Variants in CNTNAP2 observed in about 807,000 individuals in gnomAD.
CNTNAP2 encodes the protein contactin-associated protein-like 2.
CNTNAP2 carries 98 observed loss-of-function variants against 155.2 expected under a neutral mutation model. That is an observed-to-expected ratio of 0.63 (90% CI 0.54 to 0.75). CNTNAP2 has a LOEUF of 0.75. Ranked by LOEUF, CNTNAP2 falls within the 30% of genes least tolerant of loss-of-function variation. The probability of loss-of-function intolerance (pLI) is 0.00; values close to 1 mark genes in which losing one functional copy is unlikely to be tolerated. For missense variants in CNTNAP2, 1,727 were observed against 1,688.1 expected, an observed-to-expected ratio of 1.02 and a Z score of -0.40; for synonymous variants, 651 against 631.2, an observed-to-expected ratio of 1.03 and a Z score of -0.47.
intron 1 of CNTNAP2, among the ~76,000 whole-genome samples, chr7:146,351,584 C>T (rs563377115): frequency 1.3e-5 from 2 of 152,288 alleles, no homozygotes; most frequent in African/African-American, 2.4e-5. Flanking sequence ...CATTAAACCC[C>T]TCAACTAAAC....
At chr7:147,486,706 T>C (rs562009740) in intron 11 of CNTNAP2, among the ~76,000 whole-genome samples, 1 of 152,296 alleles carries the variant, frequency 6.6e-6, no homozygotes, top group Non-Finnish European at 1.5e-5. Flanking sequence ...AAATAAAAAA[T>C]AAATTTCTGT....
intron 12 of CNTNAP2, among the ~76,000 whole-genome samples, chr7:147,630,062 A>G (rs1015051349): frequency 6.6e-6 from 1 of 151,362 alleles, no homozygotes; most frequent in Non-Finnish European, 1.5e-5. Context: ...AACATAATTG[A>G]TAGACCATTA....
At chr7:146,832,213 T>G (rs1450309188) in intron 2 of CNTNAP2, among the ~76,000 whole-genome samples, 1 of 152,206 alleles carries the variant, frequency 6.6e-6, no homozygotes, top group Non-Finnish European at 1.5e-5. Context: ...TTGTATCAAT[T>G]AGATAATTCT....
chr7:147,335,409 CTT>C (rs769444210), intron 9 of CNTNAP2, among the ~76,000 whole-genome samples: 4 of 152,194 alleles, frequency 2.6e-5, no homozygotes, highest in South Asian at 2.1e-4. Flanking sequence ...ACATAATTAA[CTT>C]ATTTCATTTT....
At position 147,737,528 on chromosome 7, in the gene CNTNAP2, C is replaced by T. The variant is rs545103357; in HGVS notation, c.2098+98222C>T. ...GATCTCAAGCTCCGTGCTGGGAGAA[C>T]CACTACTCTTCCAAGCTGTCAGACA... On this transcript the variant is annotated intron_variant, in intron 13 of 23. Coordinates refer to ENST00000361727, the MANE Select transcript of CNTNAP2 (RefSeq NM_014141.6). 2.6e-3 allele frequency among the ~76,000 whole-genome samples: 348 copies of T among 133,504 alleles called. 4 individuals carry two copies. The highest frequency in any genetic ancestry group is 1.5e-3 in the Non-Finnish European group (88 of 59,410). 87.6% of individuals were successfully genotyped at this position (133,504 alleles called of 152,430 possible).
At chr7:146,753,912 T>C (rs1801948205) in intron 1 of CNTNAP2, among the ~76,000 whole-genome samples, 1 of 152,020 alleles carries the variant, frequency 6.6e-6, no homozygotes, top group Non-Finnish European at 1.5e-5. Context: ...ATTCAACCTA[T>C]ACGAAAATAG....
In CNTNAP2 at chr7:146,946,093, CCTTTCCTT is replaced by C. The variant is rs1019454898; in HGVS notation, c.403-97804_403-97797del. The stretch of plus-strand genomic sequence containing the variant: ...CCTTCCCTTCCTTCCTTCCTTCCTT[CCTTTCCTT>C]CTTTCCTTCCTTCCTTCCTTCTTTC... On this transcript the variant is annotated intron_variant, in intron 3 of 23. Coordinates refer to ENST00000361727, the MANE Select transcript of CNTNAP2 (RefSeq NM_014141.6). 1.1e-4 allele frequency among the ~76,000 whole-genome samples: 16 copies of C among 150,218 alleles called. No individual in the cohort carries two copies. The East Asian group carries it at 2.9e-3, about 27-fold the overall frequency.
chr7:147,101,054 C>T (rs1800642403), intron 4 of CNTNAP2, among the ~76,000 whole-genome samples: 1 of 152,248 alleles, frequency 6.6e-6, no homozygotes, highest in African/African-American at 2.4e-5. Context: ...AATGGCTGCT[C>T]ACTGAAGAAA....
chr7:146,778,530 C>A (rs1354013984), intron 2 of CNTNAP2, among the ~76,000 whole-genome samples: 1 of 152,056 alleles, frequency 6.6e-6, no homozygotes, highest in Non-Finnish European at 1.5e-5. Context: ...TGATTTATCC[C>A]CACATTTTTA....
intron 21 of CNTNAP2, among the ~76,000 whole-genome samples, chr7:148,334,130 G>A (rs545593381): frequency 6.6e-6 from 1 of 152,194 alleles, no homozygotes; most frequent in Non-Finnish European, 1.5e-5. Flanking sequence ...CTAATGAATG[G>A]CAGCAGCATG....
chr7:146,850,766 G>A (rs534864330), intron 3 of CNTNAP2, among the ~76,000 whole-genome samples: 14 of 151,658 alleles, frequency 9.2e-5, no homozygotes, highest in South Asian at 2.1e-4. Flanking sequence ...GAACATACCC[G>A]CAAAATAAAA....
chr7:146,377,590 C>A (rs1795321531), intron 1 of CNTNAP2, among the ~76,000 whole-genome samples: 1 of 151,990 alleles, frequency 6.6e-6, no homozygotes, highest in African/African-American at 2.4e-5. Flanking sequence ...AACTCTAGAC[C>A]CCTCCCAGTC....
intron 9 of CNTNAP2, among the ~76,000 whole-genome samples, chr7:147,340,911 C>A (rs1795750028): frequency 6.6e-6 from 1 of 152,050 alleles, no homozygotes; most frequent in African/African-American, 2.4e-5. Context: ...CAATGCCTCA[C>A]TTCCTATGAC....
At chr7:146,617,421 ATTT>A (rs1489932920) in intron 1 of CNTNAP2, among the ~76,000 whole-genome samples, 1 of 152,220 alleles carries the variant, frequency 6.6e-6, no homozygotes, top group East Asian at 1.9e-4. Flanking sequence ...TATTTGAAAC[ATTT>A]TAAGAAATGC....
chr7:148,380,224 A>G (rs1476509658), intron 21 of CNTNAP2, among the ~76,000 whole-genome samples: 1 of 152,256 alleles, frequency 6.6e-6, no homozygotes, highest in African/African-American at 2.4e-5. Context: ...ACAGTAAATG[A>G]TATTTTAATA....
At chr7:147,322,145 G>C (rs1001530171) in intron 9 of CNTNAP2, among the ~76,000 whole-genome samples, 3 of 152,048 alleles carry the variant, frequency 2.0e-5, no homozygotes, top group African/African-American at 7.2e-5. Flanking sequence ...AAAAGATATG[G>C]GGTGATTCTC....
intron 3 of CNTNAP2, among the ~76,000 whole-genome samples, chr7:146,934,446 TGGGGGGA>T (rs1796865558): frequency 2.5e-5 from 1 of 39,732 alleles, no homozygotes; most frequent in South Asian, 1.0e-3. Context: ...TGTTGTGGGG[TGGGGGGA>T]GGGGGAAGGG....
chr7:147,713,008 C>T (rs551401148), intron 13 of CNTNAP2, among the ~76,000 whole-genome samples: 1 of 152,260 alleles, frequency 6.6e-6, no homozygotes, highest in African/African-American at 2.4e-5. Flanking sequence ...CTTTAAATTT[C>T]ATTTATAACG....
intron 14 of CNTNAP2, among the ~76,000 whole-genome samples, chr7:147,941,414 T>C (rs1800719620): frequency 6.6e-6 from 1 of 152,142 alleles, no homozygotes. Flanking sequence ...TAGGTCTCCT[T>C]CCTCTCCTGC....
Sources: gnomAD v4.1 joint callset for allele counts (sites outside exome capture counted in the v4.1 genomes callset) on GRCh38, gnomAD v4.1.1 for gene constraint, MANE v1.5 for transcripts, NCBI Gene and HGNC (gene_info 2026-07-23, HGNC 2026-07-21) for gene names.